The following OTUB2 variants were observed in gnomAD, a reference collection of about 807,000 sequenced individuals.
OTUB2 encodes the protein ubiquitin thioesterase OTUB2.
OTUB2 carries 21 observed loss-of-function variants against 25.1 expected under a neutral mutation model. The observed-to-expected ratio is 0.84, with a 90% CI of 0.59 to 1.21. OTUB2 has a LOEUF of 1.21. OTUB2 is among the 50% of genes most tolerant of loss of function. The probability of loss-of-function intolerance (pLI) is 0.00; values close to 1 mark genes in which losing one functional copy is unlikely to be tolerated. For missense variants in OTUB2, 283 were observed against 298.0 expected (o/e 0.95, Z 0.37); for synonymous variants, 122 against 122.8 (o/e 0.99, Z 0.04).
At chr14:94,040,564 G>A (rs1362268888) in intron 3 of OTUB2, among the ~76,000 whole-genome samples, 2 of 152,188 alleles carry the variant, frequency 1.3e-5, no homozygotes, top group African/African-American at 4.8e-5. Context: ...GGACTCAGTG[G>A]GTGATGCTGG....
chr14:94,044,107 C>T, intron 4 of OTUB2, 52 bp downstream of exon 4: 2 of 1,538,056 alleles, frequency 1.3e-6, no homozygotes, highest in Non-Finnish European at 1.8e-6. Flanking sequence ...CAGGAGTGGG[C>T]ACTGGCTGGA....
chr14:94,045,162 T>G (rs1275025634), intron 5 of OTUB2, among the ~76,000 whole-genome samples: 1 of 152,204 alleles, frequency 6.6e-6, no homozygotes, highest in Admixed American at 6.5e-5. Context: ...TGCTGGAAAG[T>G]AAGAAGTACA....
Position 94,048,149 on chromosome 14 carries a change from C to G in OTUB2, c.*2227C>G, listed in dbSNP as rs1277297637. The G allele has an allele frequency of 6.6e-6, 1 of 152,234 alleles. No individual in the cohort carries two copies. Among genetic ancestry groups the G allele is most frequent in the African/African-American group, 2.4e-5 (1 of 41,458 alleles). The allele number at this position is 152,234 out of a possible 1,614,324, so 9.4% of individuals were successfully genotyped here. A position where few individuals can be genotyped will look rare whatever the true frequency, so the allele number is the denominator to read the frequency against. On this transcript the variant is annotated 3_prime_UTR_variant, in exon 6 of 6. Coordinates refer to ENST00000203664, the MANE Select transcript of OTUB2 (RefSeq NM_023112.4). ...TTGGCACCTTGTTAAAATTTCTAGTCATCTGTGGATGTTACCTTGCTTGTC... is the reference window on the plus strand; with the variant it reads ...TTGGCACCTTGTTAAAATTTCTAGTGATCTGTGGATGTTACCTTGCTTGTC...
chr14:94,039,366 C>T, intron 3 of OTUB2: 1 of 459,012 alleles, frequency 2.2e-6, no homozygotes, highest in Non-Finnish European at 3.9e-6. Context: ...GGAGCAGGTA[C>T]TTCGTGACCC....
chr14:94,040,987 CG>C (rs759609697), intron 3 of OTUB2, among the ~76,000 whole-genome samples: 14 of 152,170 alleles, frequency 9.2e-5, no homozygotes, highest in Non-Finnish European at 1.3e-4. Context: ...TTGCGCAGCA[CG>C]GGGGACCTGC....
Position 94,045,697 on chromosome 14 carries a change from T to A in OTUB2, c.499-19T>A, listed in dbSNP as rs745589479. 5 of 1,612,482 alleles carry A rather than the reference T, an allele frequency of 3.1e-6. No homozygotes were observed. Among genetic ancestry groups the A allele is most frequent in the Non-Finnish European group, 4.2e-6 (5 of 1,179,074 alleles). On this transcript the variant is annotated intron_variant, in intron 5 of 5. Coordinates refer to ENST00000203664, the MANE Select transcript of OTUB2 (RefSeq NM_023112.4). ...GGCCTCCCTCCTAAGCTGGCTTGTT[T>A]TCATTTTGGCCCCTGCAGGAAGTAG...
chr14:94,036,188 G>A (rs1443681019), intron 1 of OTUB2, among the ~76,000 whole-genome samples: 3 of 152,170 alleles, frequency 2.0e-5, no homozygotes, highest in Non-Finnish European at 4.4e-5. Flanking sequence ...TCTAGTCAGT[G>A]ATGAGGCTGA....
At position 94,026,510 on chromosome 14, in the gene OTUB2, G is replaced by A. The variant is rs1884861529; in HGVS notation, c.-28G>A. 1.5e-6 allele frequency: 2 copies of A among 1,301,260 alleles called. No homozygotes were observed. Among genetic ancestry groups the A allele is most frequent in the Non-Finnish European group, 2.0e-6 (2 of 1,019,124 alleles). The allele number at this position is 1,301,260 out of a possible 1,614,324, so 80.6% of individuals were successfully genotyped here. The stretch of plus-strand genomic sequence containing the variant: ...GCACCGGATCGCTCCTCGCTGGGGC[G>A]GGACCTGGCCTGGCGGCTCTGGTCA... On this transcript the variant is annotated 5_prime_UTR_variant, in exon 1 of 6. Transcript: ENST00000203664.
At position 94,039,052 on chromosome 14, in the gene OTUB2, C is replaced by T. The variant is rs1885111499; in HGVS notation, c.189C>T (p.Ser63=). 1 of 1,614,136 alleles carries T rather than the reference C, an allele frequency of 6.2e-7. No individual in the cohort carries two copies. Among genetic ancestry groups the T allele is most frequent in the Non-Finnish European group, 8.5e-7 (1 of 1,180,028 alleles). Reference sequence around the variant, plus strand: ...CCTTGGGCTATTCCTACCTGGAGTCCCTGCTGGGGAAGAGCAGGGAGATCT... The same window carrying T: ...CCTTGGGCTATTCCTACCTGGAGTCTCTGCTGGGGAAGAGCAGGGAGATCT... The part of the protein sequence containing the change: ...YRALGYSYLE[S]LLGKSREIFK... The change falls in exon 3 of 6, where the codon TCC becomes TCT. Residue 63 remains serine, a synonymous_variant. Coordinates refer to ENST00000203664, the MANE Select transcript of OTUB2 (RefSeq NM_023112.4).
In OTUB2 at chr14:94,046,469, G is replaced by GT. The variant is rs1171411273; in HGVS notation, c.*548dup. On this transcript the variant is annotated 3_prime_UTR_variant, in exon 6 of 6. Coordinates refer to ENST00000203664, the MANE Select transcript of OTUB2 (RefSeq NM_023112.4). ...GTGGTTTCAAACATTCATGATGGAT[G>GT]TATTTTCCTACCCCTAACTTAAGGA... The GT allele has an allele frequency of 6.5e-6, 1 of 153,088 alleles. No individual in the cohort carries two copies. The highest frequency in any genetic ancestry group is 1.5e-5 in the Non-Finnish European group (1 of 68,754). 9.5% of individuals were successfully genotyped at this position (153,088 alleles called of 1,614,324 possible). A position where few individuals can be genotyped will look rare whatever the true frequency, so the allele number is the denominator to read the frequency against.
At position 94,045,859 on chromosome 14, in the gene OTUB2, T is replaced by C. The variant is rs753112977; in HGVS notation, c.642T>C (p.Pro214=). 3.7e-6 allele frequency: 6 copies of C among 1,614,100 alleles called. No homozygotes were observed. The highest frequency in any genetic ancestry group is 5.1e-6 in the Non-Finnish European group (6 of 1,180,044). The change falls in exon 6 of 6, where the codon CCT becomes CCC. Residue 214 remains proline (P), a synonymous_variant. Transcript: ENST00000203664. ...NHHVFPEAAT[P]SVYLLYKTSH... is the part of the protein sequence containing the mutation. ...ACGTGTTCCCTGAGGCCGCCACCCC[T>C]TCCGTTTACCTGCTCTATAAAACAT...
At chr14:94,039,826 G>A (rs1159274300) in intron 3 of OTUB2, among the ~76,000 whole-genome samples, 2 of 152,136 alleles carry the variant, frequency 1.3e-5, no homozygotes, top group African/African-American at 4.8e-5. Context: ...TAGAGGCTTT[G>A]GTGAGGGCCA....
At chr14:94,037,303 C>A (rs1215586965) in intron 1 of OTUB2, 77 bp from the exon 2 acceptor site, 3 of 1,022,114 alleles carry the variant, frequency 2.9e-6, no homozygotes, top group Non-Finnish European at 4.5e-6. Flanking sequence ...ACCGGCAGTT[C>A]AGAGGCCACC....
Position 94,044,782 on chromosome 14 carries a change from T to C in OTUB2, c.498+2T>C, listed in dbSNP as rs749855297. The C allele has an allele frequency of 3.1e-6, 5 of 1,609,412 alleles. No homozygotes were observed. Among genetic ancestry groups the C allele is most frequent in the South Asian group, 1.1e-5 (1 of 90,582 alleles). On this transcript the variant is annotated splice_donor_variant, in intron 5 of 5. Transcript: ENST00000203664. LOFTEE classifies it high-confidence loss of function. ...GACATCAAAGACTTCTGCACTCACGTAGGTGCTTGGGGTCTCAGCCCCAGC... is the reference window on the plus strand; with the variant it reads ...GACATCAAAGACTTCTGCACTCACGCAGGTGCTTGGGGTCTCAGCCCCAGC...
At position 94,037,415 on chromosome 14, in the gene OTUB2, T is replaced by A. The variant is rs143796940; in HGVS notation, c.39T>A (p.Cys13Ter). The change falls in exon 2 of 6, where the codon TGT (cysteine) becomes TGA (stop). Residue 13 changes from cysteine to a stop codon, truncating the protein, a stop_gained. Transcript: ENST00000203664. LOFTEE classifies it high-confidence loss of function. ...CTTTCAACCTAATATCAGAAAAATG[T>A]GACATTCTATCCATTCTTCGGGACC... ...ETSFNLISEK[C>*]DILSILRDHP... The A allele has an allele frequency of 1.9e-6, 3 of 1,603,992 alleles. No individual in the cohort carries two copies. Among genetic ancestry groups the A allele is most frequent in the Non-Finnish European group, 2.6e-6 (3 of 1,171,172 alleles).
chr14:94,033,965 T>C lies in OTUB2; in HGVS notation c.4-3415T>C, dbSNP rs116042892. ...TGTTAACTTTTTATAAATTTGCCTT[T>C]GAAGTCAATAAATCTGGCTTGGTTT... On this transcript the variant is annotated intron_variant, in intron 1 of 5. Coordinates refer to ENST00000203664, the MANE Select transcript of OTUB2 (RefSeq NM_023112.4). 3.6e-3 allele frequency among the ~76,000 whole-genome samples: 556 copies of C among 152,350 alleles called. 3 individuals carry two copies. The highest frequency in any genetic ancestry group is 0.013 in the African/African-American group (529 of 41,582).
At chr14:94,031,615 C>A (rs1417297848) in intron 1 of OTUB2, among the ~76,000 whole-genome samples, 1 of 152,194 alleles carries the variant, frequency 6.6e-6, no homozygotes, top group African/African-American at 2.4e-5. Context: ...GAAGGACCAG[C>A]AGACAGCTGT....
At chr14:94,039,891 G>A (rs1718408424) in intron 3 of OTUB2, among the ~76,000 whole-genome samples, 1 of 152,116 alleles carries the variant, frequency 6.6e-6, no homozygotes, top group Non-Finnish European at 1.5e-5. Context: ...ACAGTACGGG[G>A]GGCAGTGGGT....
chr14:94,032,455 G>A lies in OTUB2; in HGVS notation c.4-4925G>A, dbSNP rs545650903. 2.0e-5 allele frequency among the ~76,000 whole-genome samples: 3 copies of A among 152,294 alleles called. No individual in the cohort carries two copies. In the South Asian group the frequency reaches 6.2e-4, roughly 32 times the overall value. ...ACCTAGAGTAGTCAAATTCATTAGA[G>A]ACAGAAAAGTAGAAAGGTGGTCGCC... On this transcript the variant is annotated intron_variant, in intron 1 of 5. Coordinates refer to ENST00000203664, the MANE Select transcript of OTUB2 (RefSeq NM_023112.4).
Sources: allele counts gnomAD v4.1 joint callset (sites outside exome capture counted in the v4.1 genomes callset), GRCh38; gene constraint gnomAD v4.1.1; transcripts MANE v1.5; gene names NCBI Gene and HGNC (gene_info 2026-07-23, HGNC 2026-07-21).